CASP4: variants seen among roughly 807,000 people sequenced by gnomAD.
The protein encoded by CASP4 is caspase 4.
A neutral mutation model predicts 41.3 loss-of-function variants in CASP4; 29 were observed. The observed-to-expected ratio is 0.70, with a 90% CI of 0.52 to 0.96. The LOEUF (loss-of-function observed/expected upper bound fraction) is 0.96, where lower values mean the gene tolerates loss of function less well. Among genes scored for constraint, CASP4 ranks in the 40% least tolerant of loss-of-function variants. The pLI is 0.00. For missense variants in CASP4, 447 were observed against 460.6 expected, an observed-to-expected ratio of 0.97 and a Z score of 0.27; for synonymous variants, 185 against 158.4, an observed-to-expected ratio of 1.17 and a Z score of -1.26.
intron 1 of CASP4, among the ~76,000 whole-genome samples, chr11:104,968,129 C>G (rs992940660): frequency 7.9e-5 from 12 of 152,032 alleles, no homozygotes; most frequent in African/African-American, 2.2e-4. Flanking sequence ...GATAACAATT[C>G]AGAGGCTCTC....
At chr11:104,948,477 C>A (rs1247417636) in intron 6 of CASP4, 56 bp downstream of exon 6, 2 of 1,469,416 alleles carry the variant, frequency 1.4e-6, no homozygotes, top group Non-Finnish European at 1.8e-6. Flanking sequence ...TTTCTAGATT[C>A]ATTCAAAGAT....
intron 1 of CASP4, among the ~76,000 whole-genome samples, chr11:104,956,976 T>C (rs1403573325): frequency 1.3e-5 from 2 of 152,108 alleles, no homozygotes; most frequent in African/African-American, 4.8e-5. Context: ...TGGTGAAAAG[T>C]TGAAAACCCT....
chr11:104,961,520 C>G (rs150190237), intron 1 of CASP4, among the ~76,000 whole-genome samples: 178 of 152,250 alleles, frequency 1.2e-3, no homozygotes, highest in African/African-American at 4.1e-3. Context: ...GTGTCTGTAG[C>G]CCCATTGCAG....
intron 1 of CASP4, among the ~76,000 whole-genome samples, chr11:104,957,407 C>T (rs944345599): frequency 2.6e-5 from 4 of 152,064 alleles, no homozygotes; most frequent in Non-Finnish European, 4.4e-5. Context: ...TATGTCTCTA[C>T]AAGAAATTTA....
At chr11:104,966,477 T>G (rs549347310) in intron 1 of CASP4, among the ~76,000 whole-genome samples, 78 of 152,290 alleles carry the variant, frequency 5.1e-4, no homozygotes, top group African/African-American at 1.7e-3. Context: ...TGTAAATAAT[T>G]AGCAGAAGCT....
At chr11:104,968,371 C>G in intron 1 of CASP4, 148 bp downstream of exon 1, 1 of 708,096 alleles carries the variant, frequency 1.4e-6, no homozygotes, top group Middle Eastern at 2.6e-4. Flanking sequence ...ACACCAGGTC[C>G]CATGATTCAA....
At position 104,950,953 on chromosome 11, in the gene CASP4, A is replaced by G. The variant is rs1294722381; in HGVS notation, c.518T>C (p.Val173Ala). Residue 173 changes from valine to alanine, a missense_variant, in exon 4 of 9, where the codon GTA becomes GCA. By Grantham distance (64) the Val-to-Ala change is moderately conservative. Transcript: ENST00000444739. ...GGCTGTCAGATTCTCTTCTACATCT[A>G]CACTATAGTCCAGACCCTCAAGTAG... ...KELLEGLDYS[V>A]DVEENLTARD... 1.9e-6 allele frequency: 3 copies of G among 1,612,782 alleles called. No individual in the cohort carries two copies. Among genetic ancestry groups the G allele is most frequent in the Non-Finnish European group, 2.5e-6 (3 of 1,179,368 alleles).
chr11:104,956,910 G>C (rs925878883), intron 1 of CASP4, among the ~76,000 whole-genome samples: 2 of 152,086 alleles, frequency 1.3e-5, no homozygotes, highest in African/African-American at 4.8e-5. Flanking sequence ...TAAAATTGAA[G>C]AGTTTTTAAC....
intron 1 of CASP4, among the ~76,000 whole-genome samples, chr11:104,963,570 C>T (rs11826709): frequency 0.041 from 6,233 of 152,200 alleles, 449 homozygotes; most frequent in African/African-American, 0.14. Flanking sequence ...AGGAAATATA[C>T]TTTAAGGGAT....
chr11:104,952,526 A>C (rs777207397), intron 2 of CASP4, among the ~76,000 whole-genome samples: 3 of 152,168 alleles, frequency 2.0e-5, no homozygotes, highest in Non-Finnish European at 4.4e-5. Context: ...TTATTTTAAC[A>C]TGTATTTTTA....
Position 104,968,554 on chromosome 11 carries a change from C to A in CASP4, c.-29G>T. The A allele has an allele frequency of 1.2e-6, 2 of 1,612,182 alleles. No homozygotes were observed. The highest frequency in any genetic ancestry group is 1.7e-6 in the Non-Finnish European group (2 of 1,178,396). On this transcript the variant is annotated 5_prime_UTR_variant, in exon 1 of 9. Transcript: ENST00000444739. ...GAACAGCCTCTGTCCTTTTTTACAG[C>A]GTTGGAAAGAGCCTCAGAGTCAAAA...
intron 1 of CASP4, among the ~76,000 whole-genome samples, chr11:104,960,858 G>A (rs1303684193): frequency 6.6e-6 from 1 of 151,992 alleles, no homozygotes; most frequent in African/African-American, 2.4e-5. Flanking sequence ...GTGAGGACAG[G>A]GGCCATGAAC....
At chr11:104,952,526 A>G (rs777207397) in intron 2 of CASP4, among the ~76,000 whole-genome samples, 1 of 152,168 alleles carries the variant, frequency 6.6e-6, no homozygotes, top group South Asian at 2.1e-4. Flanking sequence ...TTATTTTAAC[A>G]TGTATTTTTA....
intron 5 of CASP4, chr11:104,949,133 C>A: frequency 3.7e-6 from 1 of 273,896 alleles, no homozygotes; most frequent in Non-Finnish European, 7.0e-6. Flanking sequence ...CTAATTTCCC[C>A]CTCAATAATT....
Position 104,966,517 on chromosome 11 carries a change from G to A in CASP4, c.7+2002C>T, listed in dbSNP as rs56212441. Reference sequence around the variant, plus strand: ...AAAAGCATAAGCAAAGTGTGTCTCAGGTACAGCTGTCCAGAGAAGGGAGGG... The same window carrying A: ...AAAAGCATAAGCAAAGTGTGTCTCAAGTACAGCTGTCCAGAGAAGGGAGGG... On this transcript the variant is annotated intron_variant, in intron 1 of 8. Transcript: ENST00000444739. Among the ~76,000 whole-genome samples the A allele has an allele frequency of 6.6e-3, 1,007 of 152,278 alleles. 11 individuals carry two copies. Among genetic ancestry groups the A allele is most frequent in the African/African-American group, 0.022 (908 of 41,568 alleles).
chr11:104,958,926 C>T (rs1449967580), intron 1 of CASP4, among the ~76,000 whole-genome samples: 2 of 136,562 alleles, frequency 1.5e-5, no homozygotes, highest in African/African-American at 2.8e-5. Flanking sequence ...CCATGACTGC[C>T]CTCCAGCCTA....
rs2134640493 is a variant in CASP4, at chr11:104,951,054, G to A, written c.417C>T (p.Leu139=). The change falls in exon 4 of 9, where the codon CTC becomes CTT. Residue 139 remains leucine, a synonymous_variant. Coordinates refer to ENST00000444739, the MANE Select transcript of CASP4 (RefSeq NM_001225.4). ...GGTCAAACTCTGTATTGCATATGATGAGAGCCAGGCGTGTGCGGTTGTTTC... is the reference window on the plus strand; with the variant it reads ...GGTCAAACTCTGTATTGCATATGATAAGAGCCAGGCGTGTGCGGTTGTTTC... The part of the protein sequence containing the change: ...KERNNRTRLA[L]IICNTEFDHL... 1.2e-6 allele frequency: 2 copies of A among 1,613,398 alleles called. No individual in the cohort carries two copies. The highest frequency in any genetic ancestry group is 4.5e-5 in the East Asian group (2 of 44,862).
intron 1 of CASP4, among the ~76,000 whole-genome samples, chr11:104,965,696 T>G (rs1860958418): frequency 6.6e-6 from 1 of 152,202 alleles, no homozygotes; most frequent in Non-Finnish European, 1.5e-5. Flanking sequence ...TCTTCTTGCC[T>G]GGGGTCCAGT....
chr11:104,962,724 G>A (rs1169242112), intron 1 of CASP4, among the ~76,000 whole-genome samples: 1 of 152,182 alleles, frequency 6.6e-6, no homozygotes, highest in Non-Finnish European at 1.5e-5. Context: ...CCTTGGCAAG[G>A]TTAAAAGTGG....
Sources: gnomAD v4.1 joint callset for allele counts (sites outside exome capture counted in the v4.1 genomes callset) on GRCh38, gnomAD v4.1.1 for gene constraint, MANE v1.5 for transcripts, NCBI Gene and HGNC (gene_info 2026-07-23, HGNC 2026-07-21) for gene names.